LGALS3BP: variants seen among roughly 807,000 people sequenced by gnomAD.
LGALS3BP encodes the protein galectin-3-binding protein.
A neutral mutation model predicts 22.9 loss-of-function variants in LGALS3BP; 25 were observed. The observed-to-expected ratio is 1.09, with a 90% CI of 0.80 to 1.53. The LOEUF (loss-of-function observed/expected upper bound fraction) is 1.53. LGALS3BP is among the 40% of genes most tolerant of loss of function. LGALS3BP has a pLI of 0.00. For missense variants in LGALS3BP, 718 were observed against 752.0 expected (o/e 0.95, Z 0.53); for synonymous variants, 335 against 331.1 (o/e 1.01, Z -0.13).
chr17:78,977,605 G>C (rs192386355), intron 1 of LGALS3BP: 3 of 216,624 alleles, frequency 1.4e-5, no homozygotes, highest in African/African-American at 4.7e-5. Context: ...GGCCCAGGTC[G>C]GGAGGCCGGG....
At chr17:78,977,948 C>T (rs906433581) in intron 1 of LGALS3BP, among the ~76,000 whole-genome samples, 31 of 152,134 alleles carry the variant, frequency 2.0e-4, no homozygotes, top group Admixed American at 1.9e-3. Context: ...GTCCGGGTCT[C>T]CACCTTCTGG....
chr17:78,974,852 G>A (rs377230372), intron 3 of LGALS3BP, 33 bp from the exon 4 acceptor site: 45 of 1,606,710 alleles, frequency 2.8e-5, no homozygotes, highest in Admixed American at 1.3e-4. Context: ...GGCTGGGGGC[G>A]TGACGACTGC....
Position 78,972,379 on chromosome 17 carries a change from G to C in LGALS3BP, c.955C>G (p.Leu319Val), listed in dbSNP as rs2070680745. The change falls in exon 6 of 6, where the codon CTG becomes GTG. Residue 319 changes from leucine to valine, a missense_variant. By Grantham distance (32) the Leu-to-Val change is conservative (BLOSUM62 1). Coordinates refer to ENST00000262776, the MANE Select transcript of LGALS3BP (RefSeq NM_005567.4). The surrounding 1 kb of genome is among the most constrained non-coding windows in gnomAD (Gnocchi z 5.1). Reference sequence around the variant, plus strand: ...GTGTCCACGGCCTTCAGTAGGGCCAGCTCGCTGGGCACCGCCAGGTCGCTC... The same window carrying C: ...GTGTCCACGGCCTTCAGTAGGGCCACCTCGCTGGGCACCGCCAGGTCGCTC... ...PRSDLAVPSE[L>V]ALLKAVDTWS... 5 of 1,613,378 alleles carry C rather than the reference G, an allele frequency of 3.1e-6. No individual in the cohort carries two copies. The highest frequency in any genetic ancestry group is 2.7e-5 in the African/African-American group (2 of 74,946).
rs1446294137 is a variant in LGALS3BP, at chr17:78,971,685, G to C, written c.1649C>G (p.Thr550Ser). Residue 550 changes from threonine (T) to serine (S), a missense_variant, in exon 6 of 6, where the codon ACC becomes AGC. By Grantham distance (58) the Thr-to-Ser change is moderately conservative. Coordinates refer to ENST00000262776, the MANE Select transcript of LGALS3BP (RefSeq NM_005567.4). The surrounding 1 kb of genome is among the most constrained non-coding windows in gnomAD (Gnocchi z 5.6). ...GGAGGAGGTGCTCTTCGAGCTGTTG[G>C]TGTCCAGGGCACTGGGAATCGCAGC... ...WKAAIPSALDTNSSKSTSSFP... is the reference protein window; with the variant it reads ...WKAAIPSALDSNSSKSTSSFP... The C allele has an allele frequency of 6.2e-7, 1 of 1,613,836 alleles. No individual in the cohort carries two copies. Among genetic ancestry groups the C allele is most frequent in the Non-Finnish European group, 8.5e-7 (1 of 1,180,046 alleles).
Position 78,972,319 on chromosome 17 carries a change from C to T in LGALS3BP, c.1015G>A (p.Val339Met). 1 of 1,613,390 alleles carries T rather than the reference C, an allele frequency of 6.2e-7. No homozygotes were observed. The highest frequency in any genetic ancestry group is 1.1e-5 in the South Asian group (1 of 91,082). The change falls in exon 6 of 6, where the codon GTG (valine) becomes ATG (methionine). Residue 339 changes from valine to methionine, a missense_variant. Coordinates refer to ENST00000262776, the MANE Select transcript of LGALS3BP (RefSeq NM_005567.4). This position sits in a 1 kb window ranked among gnomAD's most constrained non-coding sequence, Gnocchi z 5.1. Reference protein sequence around the residue: ...SWGERASHEEVEGLVEKIRFP... With the variant: ...SWGERASHEEMEGLVEKIRFP... ...CGGATCTTCTCCACCAAGCCCTCCA[C>T]CTCCTCATGGGAGGCACGCTCCCCC...
Position 78,977,221 on chromosome 17 carries a change from C to G in LGALS3BP, c.-23-7G>C. On this transcript the variant is annotated splice_polypyrimidine_tract_variant and splice_region_variant and intron_variant, in intron 1 of 5. Transcript: ENST00000262776. ...GTGCCTGGATGCCCAGATCCTGCAG[C>G]AGACAGAAGCGGAGGGGTGAGGCAC... The G allele has an allele frequency of 1.9e-6, 3 of 1,609,678 alleles. No individual in the cohort carries two copies. In the South Asian group the frequency reaches 3.3e-5, roughly 18 times the overall value.
In LGALS3BP at chr17:78,976,248, G is replaced by T; in HGVS notation, c.53-92C>A. 1.7e-6 allele frequency: 2 copies of T among 1,172,268 alleles called. No homozygotes were observed. The highest frequency in any genetic ancestry group is 2.3e-6 in the Non-Finnish European group (2 of 858,286). The allele number at this position is 1,172,268 out of a possible 1,614,324, so 72.6% of individuals were successfully genotyped here. ...CCATATGCTGTCCTGGGTCTCCCCTGCTGAGCTTGTATTTCAGGGCTTCAA... is the reference window on the plus strand; with the variant it reads ...CCATATGCTGTCCTGGGTCTCCCCTTCTGAGCTTGTATTTCAGGGCTTCAA... On this transcript the variant is annotated intron_variant, in intron 2 of 5. Coordinates refer to ENST00000262776, the MANE Select transcript of LGALS3BP (RefSeq NM_005567.4). This position sits in a 1 kb window ranked among gnomAD's most constrained non-coding sequence, Gnocchi z 4.6.
intron 1 of LGALS3BP, among the ~76,000 whole-genome samples, chr17:78,978,944 G>A (rs1053712232): frequency 6.6e-6 from 1 of 152,126 alleles, no homozygotes; most frequent in Non-Finnish European, 1.5e-5. Flanking sequence ...GCATGGTGGT[G>A]TGCACCTGTA....
intron 3 of LGALS3BP, 54 bp downstream of exon 3, chr17:78,975,911 G>T: frequency 7.3e-7 from 1 of 1,369,436 alleles, no homozygotes; most frequent in Non-Finnish European, 9.9e-7. Flanking sequence ...CCCCTCCTGG[G>T]AGCTGGCTGT....
intron 1 of LGALS3BP, among the ~76,000 whole-genome samples, chr17:78,978,924 A>AATG (rs1262615148): frequency 1.3e-5 from 2 of 152,200 alleles, no homozygotes; most frequent in South Asian, 2.1e-4. Flanking sequence ...TAATAATAAT[A>AATG]ATAAGCTGGG....
In LGALS3BP at chr17:78,976,404, G is replaced by C. The variant is rs2070721578; in HGVS notation, c.53-248C>G. The stretch of plus-strand genomic sequence containing the variant: ...AGGGGTCTCAGCCCTTCACTCCATA[G>C]ACAGAACAGGGGCAGAGAAGCCCTG... On this transcript the variant is annotated intron_variant, in intron 2 of 5. Transcript: ENST00000262776. This position sits in a 1 kb window ranked among gnomAD's most constrained non-coding sequence, Gnocchi z 4.6. Among the ~76,000 whole-genome samples, 1 of 152,228 alleles carries C rather than the reference G, an allele frequency of 6.6e-6. No homozygotes were observed. The highest frequency in any genetic ancestry group is 2.4e-5 in the African/African-American group (1 of 41,458).
chr17:78,979,075 G>T (rs868489328), intron 1 of LGALS3BP, among the ~76,000 whole-genome samples: 3 of 9,674 alleles, frequency 3.1e-4, no homozygotes, highest in Admixed American at 1.3e-3. Flanking sequence ...AAAAAAAAAG[G>T]GGGGGGGGCA....
chr17:78,973,395 G>A lies in LGALS3BP; in HGVS notation c.377-173C>T. ...CGGAAGTGTCGGATTCCTGGACCCT[G>A]AGGCCCCGCCCCTTCCAGCCCTGGG... On this transcript the variant is annotated intron_variant, in intron 4 of 5. Coordinates refer to ENST00000262776, the MANE Select transcript of LGALS3BP (RefSeq NM_005567.4). The surrounding 1 kb of genome is among the most constrained non-coding windows in gnomAD (Gnocchi z 5.8). The A allele has an allele frequency of 1.3e-6, 1 of 776,414 alleles. No individual in the cohort carries two copies. The highest frequency in any genetic ancestry group is 2.0e-6 in the Non-Finnish European group (1 of 505,036). The allele number at this position is 776,414 out of a possible 1,614,324, so 48.1% of individuals were successfully genotyped here.
chr17:78,973,019 T>C lies in LGALS3BP; in HGVS notation c.580A>G (p.Thr194Ala). 1 of 1,613,850 alleles carries C rather than the reference T, an allele frequency of 6.2e-7. No homozygotes were observed. Reference sequence around the variant, plus strand: ...ACACACTCAGCATCCACACTCATGGTGACATTGCTGCCCGGCTCCTTCCAC... The same window carrying C: ...ACACACTCAGCATCCACACTCATGGCGACATTGCTGCCCGGCTCCTTCCAC... ...ALWKEPGSNV[T>A]MSVDAECVPM... The change falls in exon 5 of 6, where the codon ACC becomes GCC. Residue 194 changes from threonine to alanine, a missense_variant. Physicochemically the swap from Thr to Ala is moderately conservative, Grantham distance 58. Coordinates refer to ENST00000262776, the MANE Select transcript of LGALS3BP (RefSeq NM_005567.4). The surrounding 1 kb of genome is among the most constrained non-coding windows in gnomAD (Gnocchi z 5.8).
Position 78,975,952 on chromosome 17 carries a change from C to G in LGALS3BP, c.244+13G>C, listed in dbSNP as rs751146979. On this transcript the variant is annotated intron_variant, in intron 3 of 5. Transcript: ENST00000262776. The stretch of plus-strand genomic sequence containing the variant: ...GGGTCTCAGCCTCAGTGGAAGGGGA[C>G]AGCAGGCCCTACCTTGCCCGAAGGC... 1 of 1,590,280 alleles carries G rather than the reference C, an allele frequency of 6.3e-7. No individual in the cohort carries two copies. Among genetic ancestry groups the G allele is most frequent in the Non-Finnish European group, 8.6e-7 (1 of 1,168,608 alleles).
rs1180145404 is a variant in LGALS3BP, at chr17:78,972,567, G to T, written c.767C>A (p.Ser256Ter). Residue 256 changes from serine to a stop codon, truncating the protein, a stop_gained, in exon 6 of 6, where the codon TCG becomes TAG. Coordinates refer to ENST00000262776, the MANE Select transcript of LGALS3BP (RefSeq NM_005567.4). LOFTEE classifies it low-confidence loss of function (END_TRUNC). This position sits in a 1 kb window ranked among gnomAD's most constrained non-coding sequence, Gnocchi z 5.1. ...ATACAGGTCCAGGGGCATCTGGAAC[G>T]AGGGGTCCTGGGGGAGGAGGATGGC... ...LFAILLPQDPSFQMPLDLYAY... is the reference protein window; with the variant it reads ...LFAILLPQDP The T allele has an allele frequency of 6.2e-7, 1 of 1,602,540 alleles. No homozygotes were observed. Among genetic ancestry groups the T allele is most frequent in the Non-Finnish European group, 8.5e-7 (1 of 1,172,098 alleles).
Position 78,972,905 on chromosome 17 carries a change from C to G in LGALS3BP, c.629+65G>C. The stretch of plus-strand genomic sequence containing the variant: ...GCAGGTGTGTGTGTGGGGGGCTGTG[C>G]TTTTGAAGAGGGGAGGAGGACAAAG... On this transcript the variant is annotated intron_variant, in intron 5 of 5. Coordinates refer to ENST00000262776, the MANE Select transcript of LGALS3BP (RefSeq NM_005567.4). The surrounding 1 kb of genome is among the most constrained non-coding windows in gnomAD (Gnocchi z 5.1). 6.5e-7 allele frequency: 1 copy of G among 1,546,710 alleles called. No individual in the cohort carries two copies. Among genetic ancestry groups the G allele is most frequent in the Non-Finnish European group, 8.7e-7 (1 of 1,145,086 alleles).
Position 78,971,676 on chromosome 17 carries a change from G to C in LGALS3BP, c.1658C>G (p.Ser553Trp), listed in dbSNP as rs143986382. ...GCAGGGGAAGGAGGAGGTGCTCTTC[G>C]AGCTGTTGGTGTCCAGGGCACTGGG... ...AIPSALDTNS[S>W]KSTSSFPCPA... is the part of the protein sequence containing the mutation. Residue 553 changes from serine to tryptophan, a missense_variant, in exon 6 of 6, where the codon TCG (serine) becomes TGG (tryptophan). Physicochemically the swap from Ser to Trp is radical, Grantham distance 177 (BLOSUM62 -3). Coordinates refer to ENST00000262776, the MANE Select transcript of LGALS3BP (RefSeq NM_005567.4). The surrounding 1 kb of genome is among the most constrained non-coding windows in gnomAD (Gnocchi z 5.6). 1 of 1,613,826 alleles carries C rather than the reference G, an allele frequency of 6.2e-7. No individual in the cohort carries two copies.
At chr17:78,975,791 CAAAAAAAAAAAAAAAA>C (rs60470107) in intron 3 of LGALS3BP, among the ~76,000 whole-genome samples, 158 bp downstream of exon 3, 5 of 52,242 alleles carry the variant, frequency 9.6e-5, no homozygotes, top group East Asian at 6.6e-4. Flanking sequence ...GACTCCATCT[CAAAAAAAAAAAAAAAA>C]AAAAAAAAAA....
Sources: allele counts gnomAD v4.1 joint callset (sites outside exome capture counted in the v4.1 genomes callset), GRCh38; gene constraint gnomAD v4.1.1; non-coding constraint Gnocchi (gnomAD v3.1); transcripts MANE v1.5; gene names NCBI Gene and HGNC (gene_info 2026-07-23, HGNC 2026-07-21).